The following ATP6V1H variants were observed in gnomAD, a reference collection of about 807,000 sequenced individuals.
The protein encoded by ATP6V1H is ATPase H+ transporting V1 subunit H.
ATP6V1H carries 39 observed loss-of-function variants against 71.7 expected under a neutral mutation model. The ratio of observed to expected loss-of-function variants is 0.54; its 90% CI spans 0.42 to 0.71. ATP6V1H has a LOEUF of 0.71. ATP6V1H is among the 30% of genes least tolerant of loss of function. ATP6V1H has a pLI of 0.00. For missense variants in ATP6V1H, 509 were observed against 594.9 expected (o/e 0.86, Z 1.50); for synonymous variants, 192 against 199.3 (o/e 0.96, Z 0.31).
At chr8:53,809,026 C>T (rs1345835810) in intron 7 of ATP6V1H, among the ~76,000 whole-genome samples, 2 of 152,214 alleles carry the variant, frequency 1.3e-5, no homozygotes, top group East Asian at 3.9e-4. Flanking sequence ...ATACTGATAC[C>T]TTAAAAAGTC....
chr8:53,769,174 G>C (rs1808567387), intron 11 of ATP6V1H, among the ~76,000 whole-genome samples: 1 of 152,094 alleles, frequency 6.6e-6, no homozygotes, highest in African/African-American at 2.4e-5. Flanking sequence ...ATCACATAAA[G>C]ACATCTTCAT....
rs1324429705 is a variant in ATP6V1H at position 53,772,253 on chromosome 8, TCTC to T, written c.871-89_871-87del. On this transcript the variant is annotated intron_variant, in intron 9 of 13. Coordinates refer to ENST00000359530, the MANE Select transcript of ATP6V1H (RefSeq NM_015941.4). Reference sequence around the variant, plus strand: ...CCTCTGCACATTCTTTTATAGTCTCTCTCCTCCTCCTATTCTCAAGTTTAACTA... The same window carrying T: ...CCTCTGCACATTCTTTTATAGTCTCTCTCCTCCTATTCTCAAGTTTAACTA... 2.5e-5 allele frequency: 26 copies of T among 1,040,252 alleles called. No individual in the cohort carries two copies. The East Asian group carries it at 4.4e-4, about 18-fold the overall frequency. The allele number at this position is 1,040,252 out of a possible 1,614,324, so 64.4% of individuals were successfully genotyped here.
At chr8:53,752,942 T>C (rs1807853759) in intron 12 of ATP6V1H, among the ~76,000 whole-genome samples, 1 of 152,182 alleles carries the variant, frequency 6.6e-6, no homozygotes, top group Non-Finnish European at 1.5e-5. Flanking sequence ...AAGAATTATG[T>C]AATTTAAAAT....
intron 7 of ATP6V1H, among the ~76,000 whole-genome samples, chr8:53,808,834 C>A (rs915564933): frequency 2.6e-5 from 4 of 151,884 alleles, no homozygotes; most frequent in African/African-American, 9.7e-5. Flanking sequence ...TGTAATGATC[C>A]ACTTATAACT....
chr8:53,780,964 A>C (rs1809101881), intron 9 of ATP6V1H, among the ~76,000 whole-genome samples: 1 of 152,142 alleles, frequency 6.6e-6, no homozygotes. Context: ...GGTTGGTTCC[A>C]AGTCTTTGCT....
chr8:53,782,954 T>C (rs370193058), intron 9 of ATP6V1H, among the ~76,000 whole-genome samples: 2 of 152,366 alleles, frequency 1.3e-5, no homozygotes, highest in South Asian at 2.1e-4. Context: ...CAGTATTTTA[T>C]TGAGGATTTT....
At chr8:53,766,364 C>T (rs373301412) in intron 11 of ATP6V1H, among the ~76,000 whole-genome samples, 5 of 152,326 alleles carry the variant, frequency 3.3e-5, no homozygotes, top group Admixed American at 6.5e-5. Flanking sequence ...ATCTCTTAAT[C>T]CTGTCAGTTG....
intron 13 of ATP6V1H, among the ~76,000 whole-genome samples, chr8:53,724,618 A>G (rs1006497950): frequency 1.1e-5 from 1 of 87,256 alleles, no homozygotes; most frequent in Non-Finnish European, 2.1e-5. Context: ...CCCGACAGCC[A>G]AGAGGACGAG....
chr8:53,725,321 TCC>T (rs1806776689), intron 13 of ATP6V1H, among the ~76,000 whole-genome samples: 1 of 151,844 alleles, frequency 6.6e-6, no homozygotes, highest in Admixed American at 6.6e-5. Context: ...CTCTACAGAG[TCC>T]TCACCAACAA....
intron 6 of ATP6V1H, among the ~76,000 whole-genome samples, chr8:53,811,845 C>T (rs973680490): frequency 1.3e-5 from 2 of 152,124 alleles, no homozygotes; most frequent in African/African-American, 4.8e-5. Context: ...CCCCACAACC[C>T]AAGTGCAACG....
At chr8:53,752,247 T>C (rs944575076) in intron 12 of ATP6V1H, among the ~76,000 whole-genome samples, 1 of 152,244 alleles carries the variant, frequency 6.6e-6, no homozygotes, top group African/African-American at 2.4e-5. Context: ...AACTTTTGAA[T>C]ATGAAGAAAT....
chr8:53,759,345 G>A (rs997279286), intron 11 of ATP6V1H, among the ~76,000 whole-genome samples: 5 of 152,292 alleles, frequency 3.3e-5, no homozygotes, highest in African/African-American at 1.2e-4. Flanking sequence ...CAATTAAAAT[G>A]TTCTTCAAAA....
chr8:53,764,625 G>C (rs566116723), intron 11 of ATP6V1H, among the ~76,000 whole-genome samples: 1 of 151,960 alleles, frequency 6.6e-6, no homozygotes, highest in Non-Finnish European at 1.5e-5. Context: ...CAGAAGCAAC[G>C]CAAGGATGTA....
intron 8 of ATP6V1H, among the ~76,000 whole-genome samples, chr8:53,800,504 A>C (rs1292947056): frequency 6.6e-6 from 1 of 152,246 alleles, no homozygotes; most frequent in Non-Finnish European, 1.5e-5. Context: ...AAATAAGTGA[A>C]ATCTTAAACT....
chr8:53,806,050 T>C (rs1490280119), intron 7 of ATP6V1H, among the ~76,000 whole-genome samples: 4 of 152,090 alleles, frequency 2.6e-5, no homozygotes, highest in Non-Finnish European at 5.9e-5. Flanking sequence ...CATCTGTGCA[T>C]TTTCCTTTAT....
chr8:53,737,320 T>C (rs1807253034), intron 13 of ATP6V1H, among the ~76,000 whole-genome samples: 1 of 152,238 alleles, frequency 6.6e-6, no homozygotes, highest in Non-Finnish European at 1.5e-5. Context: ...AGTATTCCTG[T>C]CTGTAATTAG....
chr8:53,831,891 A>C (rs568956878), intron 3 of ATP6V1H: 4 of 151,498 alleles, frequency 2.6e-5, no homozygotes, highest in Admixed American at 2.6e-4. Context: ...GAGCCACTGC[A>C]CCCAGCCAGA....
chr8:53,826,764 T>C (rs1400754446), intron 4 of ATP6V1H, among the ~76,000 whole-genome samples: 4 of 149,604 alleles, frequency 2.7e-5, no homozygotes, highest in Non-Finnish European at 4.5e-5. Flanking sequence ...TTCGCCAACA[T>C]GGTAAAACCC....
chr8:53,793,006 T>C (rs1364888254), intron 9 of ATP6V1H, among the ~76,000 whole-genome samples: 1 of 152,164 alleles, frequency 6.6e-6, no homozygotes, highest in Admixed American at 6.5e-5. Context: ...GGACAGTGCC[T>C]GACACAGAAT....
Sources: allele counts gnomAD v4.1 joint callset (sites outside exome capture counted in the v4.1 genomes callset), GRCh38; gene constraint gnomAD v4.1.1; transcripts MANE v1.5; gene names NCBI Gene and HGNC (gene_info 2026-07-23, HGNC 2026-07-21).